Variants in PRR14L observed in about 807,000 individuals in gnomAD.
PRR14L encodes the protein protein PRR14L.
A neutral mutation model predicts 155.0 loss-of-function variants in PRR14L; 80 were observed. The ratio of observed to expected loss-of-function variants is 0.52; its 90% CI spans 0.43 to 0.62. The LOEUF (loss-of-function observed/expected upper bound fraction) is 0.62, where lower values mean the gene tolerates loss of function less well. Among genes scored for constraint, PRR14L ranks in the 20% least tolerant of loss-of-function variants. PRR14L has a pLI of 0.00. For missense variants in PRR14L, 2,469 were observed against 2,548.0 expected (o/e 0.97, Z 0.67); for synonymous variants, 883 against 916.0 (o/e 0.96, Z 0.65).
chr22:31,713,095 G>A lies in PRR14L; in HGVS notation c.4744C>T (p.Pro1582Ser), dbSNP rs1223788550. 7.1e-6 allele frequency: 11 copies of A among 1,552,314 alleles called. No homozygotes were observed. Among genetic ancestry groups the A allele is most frequent in the South Asian group, 1.2e-5 (1 of 84,056 alleles). ...ATGTGACTAACCAAGCTCTTGGTAG[G>A]TGCTGTTTCAGGTTCTAATCGTGTA... ...APTRLEPETA[P>S]TKSLVSHIPK... The change falls in exon 4 of 9, where the codon CCT (proline) becomes TCT (serine). Residue 1582 changes from proline (P) to serine (S), a missense_variant. Pro to Ser is a moderately conservative substitution (Grantham distance 74, BLOSUM62 -1). Around this residue, in one of 2 missense-constraint regions of PRR14L, gnomAD observed 2,363 missense variants for 2,371.6 expected, o/e 1.00. Transcript: ENST00000327423.
chr22:31,707,297 G>A (rs78957597), intron 4 of PRR14L, among the ~76,000 whole-genome samples: 2,268 of 152,268 alleles, frequency 0.015, 56 homozygotes, highest in African/African-American at 0.053. Flanking sequence ...ACGAAAAGGG[G>A]CAAAAGGGTT....
chr22:31,692,075 C>T (rs1202174330), intron 7 of PRR14L, among the ~76,000 whole-genome samples: 1 of 151,946 alleles, frequency 6.6e-6, no homozygotes, highest in African/African-American at 2.4e-5. Context: ...ACCATATTGG[C>T]CAGGCTGGTC....
intron 1 of PRR14L, among the ~76,000 whole-genome samples, chr22:31,739,219 T>A (rs1479942164): frequency 6.6e-6 from 1 of 152,208 alleles, no homozygotes; most frequent in East Asian, 1.9e-4. Context: ...CATCCAAGGA[T>A]AGACCTGATG....
intron 2 of PRR14L, among the ~76,000 whole-genome samples, chr22:31,737,142 C>T (rs2074786290): frequency 1.3e-5 from 2 of 151,692 alleles, no homozygotes; most frequent in African/African-American, 4.8e-5. Context: ...GTTAGAAAAC[C>T]ACCCTGTGGA....
chr22:31,730,283 C>T (rs938615543), intron 2 of PRR14L, among the ~76,000 whole-genome samples: 1 of 151,930 alleles, frequency 6.6e-6, no homozygotes, highest in African/African-American at 2.4e-5. Flanking sequence ...ACTAAAAATA[C>T]AAAAATTAGC....
At position 31,715,980 on chromosome 22, in the gene PRR14L, A is replaced by G. The variant is rs1157719297; in HGVS notation, c.1859T>C (p.Ile620Thr). The G allele has an allele frequency of 1.9e-6, 3 of 1,551,582 alleles. No homozygotes were observed. The highest frequency in any genetic ancestry group is 2.4e-5 in the East Asian group (1 of 40,922). Residue 620 changes from isoleucine to threonine, a missense_variant, in exon 4 of 9, where the codon ATT (isoleucine) becomes ACT (threonine). Physicochemically the swap from Ile to Thr is moderately conservative, Grantham distance 89. Coordinates refer to ENST00000327423, the MANE Select transcript of PRR14L (RefSeq NM_173566.3). Reference protein sequence around the residue: ...EKVIQTSHDDIPLLDEQSIAC... With the variant: ...EKVIQTSHDDTPLLDEQSIAC... ...TATGCTCTGTTCATCTAAAAGTGGA[A>G]TATCATCATGTGAGGTCTGTATAAC...
chr22:31,714,317 C>A lies in PRR14L; in HGVS notation c.3522G>T (p.Leu1174Phe). ...PNKRILGRVN[L>F]SLNDSHYGQQ... Reference sequence around the variant, plus strand: ...GTCCATAATGGCTATCATTTAAAGACAAATTTACTCTGCCCAATATTCTTT... The same window carrying A: ...GTCCATAATGGCTATCATTTAAAGAAAAATTTACTCTGCCCAATATTCTTT... The change falls in exon 4 of 9, where the codon TTG (leucine) becomes TTT (phenylalanine). Residue 1174 changes from leucine to phenylalanine, a missense_variant. By Grantham distance (22) the Leu-to-Phe change is conservative (BLOSUM62 0). This residue lies in a region of PRR14L where 2,363 missense variants were observed against 2,371.6 expected (regional missense o/e 1.00). Transcript: ENST00000327423. 1 of 1,551,670 alleles carries A rather than the reference C, an allele frequency of 6.4e-7. No homozygotes were observed. Among genetic ancestry groups the A allele is most frequent in the Non-Finnish European group, 8.7e-7 (1 of 1,146,978 alleles).
chr22:31,721,903 A>G (rs890342525), intron 3 of PRR14L, among the ~76,000 whole-genome samples: 1 of 152,186 alleles, frequency 6.6e-6, no homozygotes, highest in African/African-American at 2.4e-5. Context: ...ATAGAGAAGT[A>G]AAAATAATGC....
intron 1 of PRR14L, among the ~76,000 whole-genome samples, chr22:31,742,045 A>C (rs1471983968): frequency 6.6e-6 from 1 of 152,174 alleles, no homozygotes; most frequent in Non-Finnish European, 1.5e-5. Context: ...TTGCTATTTG[A>C]TGCCAAAAAT....
At chr22:31,699,230 G>T (rs974907524) in intron 7 of PRR14L, among the ~76,000 whole-genome samples, 1 of 151,978 alleles carries the variant, frequency 6.6e-6, no homozygotes, top group African/African-American at 2.4e-5. Context: ...TAGAGACAGG[G>T]TTTCACCATG....
chr22:31,747,349 G>A (rs1379613648), intron 1 of PRR14L, among the ~76,000 whole-genome samples: 2 of 136,396 alleles, frequency 1.5e-5, no homozygotes, highest in Non-Finnish European at 1.6e-5. Flanking sequence ...CCCGACCTCA[G>A]GTGATCCACC....
intron 2 of PRR14L, among the ~76,000 whole-genome samples, chr22:31,733,064 C>T (rs1475181198): frequency 6.6e-6 from 1 of 150,914 alleles, no homozygotes; most frequent in African/African-American, 2.4e-5. Context: ...TCTCGGCTCA[C>T]TACAACCCTT....
chr22:31,748,150 A>C (rs180726259), intron 1 of PRR14L, among the ~76,000 whole-genome samples: 2 of 152,190 alleles, frequency 1.3e-5, no homozygotes, highest in African/African-American at 4.8e-5. Flanking sequence ...TCAGAAGCTC[A>C]CAACACTCTT....
At chr22:31,744,616 T>C (rs1165396039) in intron 1 of PRR14L, among the ~76,000 whole-genome samples, 2 of 152,138 alleles carry the variant, frequency 1.3e-5, no homozygotes, top group African/African-American at 2.4e-5. Context: ...AAAGGCACCA[T>C]CAATATTCTA....
chr22:31,718,089 G>A (rs990050213), intron 3 of PRR14L, among the ~76,000 whole-genome samples: 12 of 151,578 alleles, frequency 7.9e-5, no homozygotes, highest in Admixed American at 2.6e-4. Flanking sequence ...CACCATGCCC[G>A]CCTAATTTTT....
intron 6 of PRR14L, among the ~76,000 whole-genome samples, chr22:31,702,277 C>T (rs1044557666): frequency 2.0e-5 from 3 of 152,118 alleles, no homozygotes; most frequent in African/African-American, 7.2e-5. Flanking sequence ...GGCTTAAATG[C>T]AATGGCATGG....
intron 1 of PRR14L, among the ~76,000 whole-genome samples, chr22:31,742,193 C>T (rs1240019548): frequency 1.3e-5 from 2 of 152,122 alleles, no homozygotes; most frequent in Non-Finnish European, 2.9e-5. Flanking sequence ...GCAGATTTTT[C>T]GAAGGAGATG....
At chr22:31,711,340 A>G (rs1185005777) in intron 4 of PRR14L, among the ~76,000 whole-genome samples, 1 of 152,060 alleles carries the variant, frequency 6.6e-6, no homozygotes, top group Non-Finnish European at 1.5e-5. Flanking sequence ...GCATGGTGAC[A>G]CGTGCCTGTA....
chr22:31,717,377 C>T, intron 3 of PRR14L, 86 bp from the exon 4 acceptor site: 1 of 1,069,208 alleles, frequency 9.4e-7, no homozygotes, highest in East Asian at 2.6e-5. Context: ...TGCTATGCTA[C>T]CAAGGGCAAC....
Sources: allele counts gnomAD v4.1 joint callset (sites outside exome capture counted in the v4.1 genomes callset), GRCh38; gene constraint gnomAD v4.1.1; regional missense constraint gnomAD v4.1.1; transcripts MANE v1.5; gene names NCBI Gene and HGNC (gene_info 2026-07-23, HGNC 2026-07-21).